The following ATP2B1 variants were observed in gnomAD, a reference collection of about 807,000 sequenced individuals.
ATP2B1 encodes the protein plasma membrane calcium-transporting ATPase 1.
A neutral mutation model predicts 124.2 loss-of-function variants in ATP2B1; 14 were observed. That is an observed-to-expected ratio of 0.11 (90% CI 0.07 to 0.18). The LOEUF is 0.18. ATP2B1 is among the 10% of genes least tolerant of loss of function. ATP2B1 has a pLI of 1.00. For missense variants in ATP2B1, 763 were observed against 1,466.1 expected, an observed-to-expected ratio of 0.52 and a Z score of 7.83; for synonymous variants, 449 against 492.4, an observed-to-expected ratio of 0.91 and a Z score of 1.17.
chr12:89,707,847 G>A (rs968880819), intron 1 of ATP2B1, among the ~76,000 whole-genome samples: 12 of 152,174 alleles, frequency 7.9e-5, no homozygotes, highest in African/African-American at 2.2e-4. Flanking sequence ...GGGATAAAGA[G>A]AGCACAGCCC....
intron 15 of ATP2B1, among the ~76,000 whole-genome samples, chr12:89,607,413 G>A (rs1877128263): frequency 6.6e-6 from 1 of 152,116 alleles, no homozygotes; most frequent in Non-Finnish European, 1.5e-5. Flanking sequence ...GCAGAGTCAA[G>A]GACTTCTGCC....
chr12:89,615,316 G>A (rs571951942), intron 12 of ATP2B1, among the ~76,000 whole-genome samples: 4 of 152,138 alleles, frequency 2.6e-5, no homozygotes, highest in African/African-American at 9.6e-5. Context: ...TTCTGCACTT[G>A]TAATTGTCTT....
At chr12:89,654,033 A>T (rs565264286) in intron 2 of ATP2B1, among the ~76,000 whole-genome samples, 1 of 152,220 alleles carries the variant, frequency 6.6e-6, no homozygotes, top group Non-Finnish European at 1.5e-5. Flanking sequence ...TATCAATTTG[A>T]TGATGATAAA....
intron 1 of ATP2B1, among the ~76,000 whole-genome samples, chr12:89,691,157 T>C (rs187527174): frequency 4.3e-4 from 65 of 152,230 alleles, no homozygotes; most frequent in African/African-American, 1.5e-3. Context: ...GCATGTAAAC[T>C]GATTCATTTC....
At chr12:89,700,366 G>A (rs952513859) in intron 1 of ATP2B1, among the ~76,000 whole-genome samples, 8 of 152,068 alleles carry the variant, frequency 5.3e-5, no homozygotes, top group Admixed American at 1.3e-4. Context: ...TAACTCAGTA[G>A]TTCTCCGCTA....
rs1416126090 is a variant in ATP2B1, at chr12:89,684,661, GA to G, written c.-222+23934del. ...ACCAAGAAAAGAGTAATTTTTAAAT[GA>G]AAAAAAGTGAGTTATTTTAGAGCAG... On this transcript the variant is annotated intron_variant, in intron 1 of 20. Transcript: ENST00000428670. Among the ~76,000 whole-genome samples, 3 of 151,946 alleles carry G rather than the reference GA, an allele frequency of 2.0e-5. No homozygotes were observed. In the East Asian group the frequency reaches 5.8e-4, roughly 29 times the overall value.
Position 89,626,572 on chromosome 12 carries a change from C to A in ATP2B1, c.1011G>T (p.Lys337Asn), listed in dbSNP as rs200266753. Residue 337 changes from lysine (K) to asparagine (N), a missense_variant, in exon 8 of 21, where the codon AAG becomes AAT. By Grantham distance (94) the Lys-to-Asn change is moderately conservative. Coordinates refer to ENST00000428670, the MANE Select transcript of ATP2B1 (RefSeq NM_001366521.1). ...CATCACCATCTCCACCTTCTTCACTCTTCAATGGCTGCATTTCCATGGCTG... is the reference window on the plus strand; with the variant it reads ...CATCACCATCTCCACCTTCTTCACTATTCAATGGCTGCATTTCCATGGCTG... ...DGAAMEMQPL[K>N]SEEGGDGDEK... The A allele has an allele frequency of 1.2e-6, 2 of 1,612,528 alleles. No individual in the cohort carries two copies. Among genetic ancestry groups the A allele is most frequent in the Non-Finnish European group, 1.7e-6 (2 of 1,179,628 alleles).
At chr12:89,653,518 C>A (rs535530696) in intron 2 of ATP2B1, among the ~76,000 whole-genome samples, 2 of 151,078 alleles carry the variant, frequency 1.3e-5, no homozygotes. Flanking sequence ...AGGATGGTCT[C>A]GATCTCCTGA....
At chr12:89,660,556 G>C (rs1434783043) in intron 1 of ATP2B1, among the ~76,000 whole-genome samples, 1 of 152,192 alleles carries the variant, frequency 6.6e-6, no homozygotes, top group Non-Finnish European at 1.5e-5. Flanking sequence ...AGTAGGGCCA[G>C]GAACGTAATA....
intron 5 of ATP2B1, among the ~76,000 whole-genome samples, chr12:89,633,515 A>G (rs1242438406): frequency 6.6e-6 from 1 of 150,450 alleles, no homozygotes; most frequent in African/African-American, 2.4e-5. Flanking sequence ...TTAAGTCTAT[A>G]TTAGAATTGG....
chr12:89,659,151 A>G (rs1245994244), intron 1 of ATP2B1, among the ~76,000 whole-genome samples: 1 of 152,236 alleles, frequency 6.6e-6, no homozygotes, highest in Non-Finnish European at 1.5e-5. Flanking sequence ...CAGAAAGCAG[A>G]ACATCTATTT....
intron 2 of ATP2B1, among the ~76,000 whole-genome samples, chr12:89,643,125 C>T (rs182692943): frequency 4.0e-4 from 59 of 146,546 alleles, no homozygotes; most frequent in African/African-American, 1.4e-3. Context: ...CGTATATACA[C>T]GTATATATGT....
chr12:89,632,338 T>C (rs1882006739), intron 5 of ATP2B1, among the ~76,000 whole-genome samples: 1 of 152,228 alleles, frequency 6.6e-6, no homozygotes, highest in African/African-American at 2.4e-5. Flanking sequence ...AATTACTGAG[T>C]AACTTATCCA....
chr12:89,665,822 C>T (rs887161146), intron 1 of ATP2B1, among the ~76,000 whole-genome samples: 2 of 152,186 alleles, frequency 1.3e-5, no homozygotes, highest in Non-Finnish European at 2.9e-5. Context: ...AGAACCTACA[C>T]TTACATGCTT....
In ATP2B1 at chr12:89,610,791, A is replaced by G. The variant is rs369204280; in HGVS notation, c.2248-283T>C. On this transcript the variant is annotated intron_variant, in intron 13 of 20. Coordinates refer to ENST00000428670, the MANE Select transcript of ATP2B1 (RefSeq NM_001366521.1). ...GTTTTTATATATCATTATGAGACCA[A>G]ATTTAAAAAATCCCCCTACTGCCTA... The G allele has an allele frequency of 1.6e-5, 6 of 372,040 alleles. No homozygotes were observed. In the East Asian group the frequency reaches 2.9e-4, roughly 18 times the overall value. The allele number at this position is 372,040 out of a possible 1,614,324, so 23.0% of individuals were successfully genotyped here. A position where few individuals can be genotyped will look rare whatever the true frequency, so the allele number is the denominator to read the frequency against.
At chr12:89,706,169 G>A (rs1436444623) in intron 1 of ATP2B1, among the ~76,000 whole-genome samples, 2 of 152,164 alleles carry the variant, frequency 1.3e-5, no homozygotes, top group Non-Finnish European at 2.9e-5. Context: ...CCTGAGAGGA[G>A]CCATGTATAC....
intron 3 of ATP2B1, among the ~76,000 whole-genome samples, chr12:89,640,865 C>G (rs915056220): frequency 1.3e-5 from 2 of 152,200 alleles, no homozygotes; most frequent in Non-Finnish European, 2.9e-5. Context: ...TGACTATAAG[C>G]TTTCTGAGGC....
At chr12:89,612,588 C>T (rs1878214146) in intron 12 of ATP2B1, among the ~76,000 whole-genome samples, 1 of 152,182 alleles carries the variant, frequency 6.6e-6, no homozygotes, top group South Asian at 2.1e-4. Flanking sequence ...CTTAATGTTT[C>T]TAACTCCCCC....
chr12:89,671,213 C>T (rs1887936624), intron 1 of ATP2B1, among the ~76,000 whole-genome samples: 1 of 152,164 alleles, frequency 6.6e-6, no homozygotes, highest in Non-Finnish European at 1.5e-5. Flanking sequence ...GACTCAAGAT[C>T]TGACATTAGG....
Sources: gnomAD v4.1 joint callset for allele counts (sites outside exome capture counted in the v4.1 genomes callset) on GRCh38, gnomAD v4.1.1 for gene constraint, MANE v1.5 for transcripts, NCBI Gene and HGNC (gene_info 2026-07-23, HGNC 2026-07-21) for gene names.